The following ENTREP2 variants were observed in gnomAD, a reference collection of about 807,000 sequenced individuals.
The protein encoded by ENTREP2 is endosomal transmembrane epsin interactor 2.
the ENTREP2 span, among the ~76,000 whole-genome samples, chr15:29,246,995 A>ACC: frequency 6.6e-6 from 1 of 151,812 alleles, no homozygotes; most frequent in Non-Finnish European, 1.5e-5. Context: ...ACACACACAC[A>ACC]CACACACACA....
chr15:29,135,887 G>A, the ENTREP2 span, among the ~76,000 whole-genome samples: 2 of 152,214 alleles, frequency 1.3e-5, no homozygotes, highest in Non-Finnish European at 2.9e-5. This position sits in a 1 kb window ranked among gnomAD's most constrained non-coding sequence, Gnocchi z 7.4. Flanking sequence ...GTGTGATCAA[G>A]ACAGGCCGGG....
At chr15:29,211,229 C>T in the ENTREP2 span, among the ~76,000 whole-genome samples, 1 of 152,174 alleles carries the variant, frequency 6.6e-6, no homozygotes, top group African/African-American at 2.4e-5. Context: ...TGATGAAAAT[C>T]TGCCCATCAT....
the ENTREP2 span, among the ~76,000 whole-genome samples, chr15:29,635,620 A>AG: frequency 5.9e-5 from 9 of 152,262 alleles, no homozygotes; most frequent in Non-Finnish European, 7.4e-5. Context: ...CAGCACACCT[A>AG]GGGGGTCCAC....
chr15:29,478,982 CAGG>C, the ENTREP2 span, among the ~76,000 whole-genome samples: 1 of 143,770 alleles, frequency 7.0e-6, no homozygotes, highest in South Asian at 2.2e-4. Context: ...ATCACGAGGT[CAGG>C]AGATCGAGAC....
At chr15:29,417,749 T>C in the ENTREP2 span, among the ~76,000 whole-genome samples, 2 of 152,162 alleles carry the variant, frequency 1.3e-5, no homozygotes, top group Non-Finnish European at 2.9e-5. Flanking sequence ...TTCATGGCTA[T>C]TTTCCATATA....
chr15:29,390,486 G>T, the ENTREP2 span, among the ~76,000 whole-genome samples: 10 of 152,310 alleles, frequency 6.6e-5, no homozygotes, highest in African/African-American at 2.2e-4. Context: ...GCCGAACCTT[G>T]CGAGCACCAT....
the ENTREP2 span, among the ~76,000 whole-genome samples, chr15:29,148,903 A>G: frequency 6.6e-6 from 1 of 150,468 alleles, no homozygotes; most frequent in African/African-American, 2.5e-5. Context: ...TTAAGTCTCA[A>G]TCTCGCTCTG....
the ENTREP2 span, among the ~76,000 whole-genome samples, chr15:29,307,190 C>A: frequency 3.9e-5 from 6 of 151,978 alleles, no homozygotes. Context: ...GGTGTTCTAT[C>A]CTTCCTTTTA....
the ENTREP2 span, among the ~76,000 whole-genome samples, chr15:29,256,221 T>C: frequency 2.0e-5 from 3 of 152,142 alleles, no homozygotes; most frequent in Non-Finnish European, 4.4e-5. Flanking sequence ...AAACCACCTA[T>C]TGGGGTACTG....
At chr15:29,307,988 A>G in the ENTREP2 span, among the ~76,000 whole-genome samples, 3 of 152,316 alleles carry the variant, frequency 2.0e-5, no homozygotes, top group Non-Finnish European at 2.9e-5. Context: ...AAGAGAAACA[A>G]TATGTTGGGT....
chr15:29,229,536 C>T, the ENTREP2 span, among the ~76,000 whole-genome samples: 144 of 152,272 alleles, frequency 9.5e-4, no homozygotes, highest in African/African-American at 3.3e-3. Flanking sequence ...TCTGCTTCCA[C>T]TACATCATAT....
At chr15:29,252,411 C>T in the ENTREP2 span, 628 of 1,551,142 alleles carry the variant, frequency 4.0e-4, 2 homozygotes, top group Non-Finnish European at 4.8e-4. Flanking sequence ...AGCATTCTGA[C>T]AAGAGAGAAT....
the ENTREP2 span, chr15:29,269,081 G>C: frequency 6.8e-6 from 11 of 1,614,060 alleles, no homozygotes; most frequent in Non-Finnish European, 9.3e-6. Flanking sequence ...TTCTTGGTGG[G>C]GTAGACCCCT....
chr15:29,480,353 A>C, the ENTREP2 span, among the ~76,000 whole-genome samples: 13 of 146,406 alleles, frequency 8.9e-5, no homozygotes, highest in Non-Finnish European at 1.9e-4. Context: ...AAAAAAAAAA[A>C]AAAAAAAAAA....
the ENTREP2 span, chr15:29,196,820 T>C: frequency 7.9e-6 from 3 of 382,116 alleles, no homozygotes; most frequent in South Asian, 6.3e-5. Flanking sequence ...TTAGAGAAAA[T>C]GGCAGGTGGA....
the ENTREP2 span, among the ~76,000 whole-genome samples, chr15:29,171,139 C>G: frequency 6.6e-6 from 1 of 152,194 alleles, no homozygotes; most frequent in Non-Finnish European, 1.5e-5. Flanking sequence ...GACCCAATCA[C>G]CTATTATTAA....
At chr15:29,461,797 T>G in the ENTREP2 span, among the ~76,000 whole-genome samples, 1 of 152,126 alleles carries the variant, frequency 6.6e-6, no homozygotes, top group Non-Finnish European at 1.5e-5. Flanking sequence ...TTTTTAAGTG[T>G]ATGGTTCAGC....
the ENTREP2 span, among the ~76,000 whole-genome samples, chr15:29,290,420 G>A: frequency 4.6e-5 from 7 of 152,034 alleles, no homozygotes; most frequent in Non-Finnish European, 1.0e-4. Flanking sequence ...CTATATTCAG[G>A]TATCACCCCA....
chr15:29,463,065 GC>G, the ENTREP2 span, among the ~76,000 whole-genome samples: 3 of 152,142 alleles, frequency 2.0e-5, no homozygotes, highest in African/African-American at 7.2e-5. Flanking sequence ...CCTTTTCAAA[GC>G]CTTAACATGG....
Sources: gnomAD v4.1 joint callset for allele counts (sites outside exome capture counted in the v4.1 genomes callset) on GRCh38, gnomAD v4.1.1 for gene constraint, Gnocchi (gnomAD v3.1) non-coding constraint, MANE v1.5 for transcripts, NCBI Gene and HGNC (gene_info 2026-07-23, HGNC 2026-07-21) for gene names.